MYO3B: variants seen among roughly 807,000 people sequenced by gnomAD.
MYO3B encodes myosin IIIB, also known as myosin-IIIb.
Under a neutral mutation model 174.6 loss-of-function variants are expected in MYO3B, and 156 were observed. The ratio of observed to expected loss-of-function variants is 0.89; its 90% CI spans 0.78 to 1.02. The LOEUF (loss-of-function observed/expected upper bound fraction) is 1.02. Among genes scored for constraint, MYO3B ranks in the 50% least tolerant of loss-of-function variants. The pLI, the probability that MYO3B is intolerant of heterozygous loss-of-function variation, is 0.00. For missense variants in MYO3B, 1,632 were observed against 1,639.4 expected (o/e 1.00, Z 0.08); for synonymous variants, 563 against 569.1 (o/e 0.99, Z 0.15).
intron 32 of MYO3B, among the ~76,000 whole-genome samples, chr2:170,570,663 T>G (rs1328503047): frequency 6.6e-6 from 1 of 152,238 alleles, no homozygotes; most frequent in Non-Finnish European, 1.5e-5. Context: ...ATCATTATTG[T>G]AAGGCCAGCG....
intron 7 of MYO3B, among the ~76,000 whole-genome samples, chr2:170,244,427 G>A (rs1005363516): frequency 2.7e-5 from 4 of 147,130 alleles, no homozygotes; most frequent in South Asian, 2.2e-4. Context: ...GGGATTGTAA[G>A]GAGAGCACCT....
At chr2:170,523,707 C>T (rs1339693229) in intron 30 of MYO3B, among the ~76,000 whole-genome samples, 3 of 152,154 alleles carry the variant, frequency 2.0e-5, no homozygotes, top group East Asian at 3.9e-4. Context: ...CTTATGGCCA[C>T]GAGGTGGCCA....
chr2:170,399,654 A>G (rs1013035398), intron 16 of MYO3B, among the ~76,000 whole-genome samples: 3 of 152,114 alleles, frequency 2.0e-5, no homozygotes, highest in Admixed American at 6.6e-5. Flanking sequence ...CTTCCCAACT[A>G]CTTCATAAAA....
intron 32 of MYO3B, among the ~76,000 whole-genome samples, chr2:170,624,668 T>TG (rs1411219675): frequency 6.6e-6 from 1 of 152,154 alleles, no homozygotes; most frequent in African/African-American, 2.4e-5. Context: ...ATGCTTCCAG[T>TG]TTTTGCCCAT....
chr2:170,602,096 A>G (rs1260017639), intron 32 of MYO3B: 7 of 1,182,038 alleles, frequency 5.9e-6, no homozygotes, highest in Admixed American at 1.7e-5. Context: ...CTCTCTGAGC[A>G]CTTCTTAGAA....
At chr2:170,249,013 C>T (rs2093222668) in intron 7 of MYO3B, among the ~76,000 whole-genome samples, 1 of 152,180 alleles carries the variant, frequency 6.6e-6, no homozygotes, top group Non-Finnish European at 1.5e-5. Context: ...GTTTCTCTTC[C>T]ATCTAGTTCT....
At chr2:170,358,458 A>G (rs1031677208) in intron 8 of MYO3B, among the ~76,000 whole-genome samples, 1 of 152,148 alleles carries the variant, frequency 6.6e-6, no homozygotes, top group African/African-American at 2.4e-5. Context: ...ATGCTAATGG[A>G]TACGGGGTTT....
Position 170,528,854 on chromosome 2 carries a change from A to C in MYO3B, c.3575+9314A>C, listed in dbSNP as rs117299572. On this transcript the variant is annotated intron_variant, in intron 30 of 34. Transcript: ENST00000408978. Reference sequence around the variant, plus strand: ...GCCTTCAATGTGATCACCTGTGGACATGAACGTTTATGTTTACATTAATCT... The same window carrying C: ...GCCTTCAATGTGATCACCTGTGGACCTGAACGTTTATGTTTACATTAATCT... Among the ~76,000 whole-genome samples, 223 of 152,332 alleles carry C rather than the reference A, an allele frequency of 1.5e-3. 2 individuals are homozygous for C. In the East Asian group the frequency reaches 0.024, roughly 17 times the overall value.
chr2:170,438,530 C>T (rs2094773654), intron 22 of MYO3B, among the ~76,000 whole-genome samples: 1 of 152,100 alleles, frequency 6.6e-6, no homozygotes, highest in Admixed American at 6.6e-5. Context: ...GCAGCTGCAC[C>T]ATTTTATATT....
At chr2:170,452,827 C>T (rs1683672971) in intron 23 of MYO3B, among the ~76,000 whole-genome samples, 1 of 151,906 alleles carries the variant, frequency 6.6e-6, no homozygotes, top group Non-Finnish European at 1.5e-5. Flanking sequence ...GGAAAATAAT[C>T]AATAAATGGC....
chr2:170,308,760 C>G (rs2093717846), intron 7 of MYO3B, among the ~76,000 whole-genome samples: 1 of 152,134 alleles, frequency 6.6e-6, no homozygotes, highest in Admixed American at 6.5e-5. Context: ...CTGTTGGACT[C>G]TCATGCCCCT....
chr2:170,300,090 T>G (rs1243598198), intron 7 of MYO3B, among the ~76,000 whole-genome samples: 1 of 152,236 alleles, frequency 6.6e-6, no homozygotes, highest in African/African-American at 2.4e-5. Context: ...AGATATTCAG[T>G]GCCGATAGGG....
At chr2:170,563,119 T>TACACACAC (rs56807707) in intron 32 of MYO3B, among the ~76,000 whole-genome samples, 7 of 110,454 alleles carry the variant, frequency 6.3e-5, no homozygotes, top group Admixed American at 5.3e-4. Context: ...CTCTCACACA[T>TACACACAC]ACACACACAC....
At chr2:170,360,587 A>G (rs2094153209) in intron 8 of MYO3B, among the ~76,000 whole-genome samples, 1 of 152,240 alleles carries the variant, frequency 6.6e-6, no homozygotes, top group African/African-American at 2.4e-5. Flanking sequence ...TGAGGGAGCC[A>G]TTGCACATTA....
chr2:170,195,850 T>C (rs2092594237), intron 1 of MYO3B, among the ~76,000 whole-genome samples: 1 of 152,030 alleles, frequency 6.6e-6, no homozygotes, highest in African/African-American at 2.4e-5. Context: ...ATGAGAGGGG[T>C]CAGGGAACTC....
In MYO3B at chr2:170,466,729, G is replaced by A. The variant is rs775842479; in HGVS notation, c.3014+18G>A. The A allele has an allele frequency of 6.2e-6, 10 of 1,610,960 alleles. No individual in the cohort carries two copies. Among genetic ancestry groups the A allele is most frequent in the Admixed American group, 1.7e-5 (1 of 59,960 alleles). On this transcript the variant is annotated intron_variant, in intron 25 of 34. Coordinates refer to ENST00000408978, the MANE Select transcript of MYO3B (RefSeq NM_138995.5). ...GTGAAAAGGTCAGACCGTCATCTAC[G>A]GGAATGCATTCTTATAAATGTAGCT...
chr2:170,369,271 GA>G lies in MYO3B; in HGVS notation c.866del (p.Asp289AlafsTer63), dbSNP rs774269420. 2 of 1,613,618 alleles carry G rather than the reference GA, an allele frequency of 1.2e-6. No homozygotes were observed. The highest frequency in any genetic ancestry group is 1.7e-6 in the Non-Finnish European group (2 of 1,179,714). ...ERRPSVTHLLDHPFIKGVHGK... is the reference protein window; with the variant it reads ...ERRPSVTHLLXHPFIKGVHGK... ...GCGACCTTCCGTCACACATCTCCTT[GA>G]CCACCCATTTATTAAAGGAGTACAT... On this transcript the variant is annotated frameshift_variant, in exon 9 of 35. Transcript: ENST00000408978. LOFTEE classifies it high-confidence loss of function.
At chr2:170,334,912 TA>T in intron 7 of MYO3B, 1 of 153,572 alleles carries the variant, frequency 6.5e-6, no homozygotes, top group Non-Finnish European at 1.4e-5. Flanking sequence ...AGGAGATAGT[TA>T]AAAATGTGAC....
intron 7 of MYO3B, among the ~76,000 whole-genome samples, chr2:170,279,872 G>A (rs2093494213): frequency 6.6e-6 from 1 of 152,110 alleles, no homozygotes; most frequent in Non-Finnish European, 1.5e-5. Context: ...ACCACTGATG[G>A]ACAGTTAGGT....
Sources: allele counts gnomAD v4.1 joint callset (sites outside exome capture counted in the v4.1 genomes callset), GRCh38; gene constraint gnomAD v4.1.1; transcripts MANE v1.5; gene names NCBI Gene and HGNC (gene_info 2026-07-23, HGNC 2026-07-21).